The following LRP1B variants were observed in gnomAD, a reference collection of about 807,000 sequenced individuals.
LRP1B encodes low-density lipoprotein receptor-related protein 1B.
Under a neutral mutation model 556.6 loss-of-function variants are expected in LRP1B, and 217 were observed. That is an observed-to-expected ratio of 0.39 (90% CI 0.35 to 0.44). LRP1B has a LOEUF of 0.44. Among genes scored for constraint, LRP1B ranks in the 20% least tolerant of loss-of-function variants. The pLI is 1.00. For synonymous variants in LRP1B, 2,047 were observed against 1,865.8 expected (o/e 1.10, Z -2.50); for missense variants, 5,053 against 5,620.8 (o/e 0.90, Z 3.23).
intron 3 of LRP1B, among the ~76,000 whole-genome samples, chr2:141,371,313 C>T (rs1018674569): frequency 5.3e-5 from 8 of 152,152 alleles, no homozygotes; most frequent in African/African-American, 1.9e-4. Flanking sequence ...CAATGTAATG[C>T]TTCTAGCTTT....
chr2:141,265,062 T>A (rs924538041), intron 3 of LRP1B, among the ~76,000 whole-genome samples: 2 of 152,040 alleles, frequency 1.3e-5, no homozygotes, highest in African/African-American at 4.8e-5. Flanking sequence ...ACCGAGCCCT[T>A]CCCGGAGATG....
chr2:141,154,055 C>T (rs1262639995), intron 7 of LRP1B, among the ~76,000 whole-genome samples: 1 of 151,714 alleles, frequency 6.6e-6, no homozygotes, highest in African/African-American at 2.4e-5. Context: ...GAGAGGTCTG[C>T]TATGTTAGAT....
chr2:140,483,638 A>ATTTT (rs1378417792), intron 59 of LRP1B, among the ~76,000 whole-genome samples: 1 of 74,074 alleles, frequency 1.3e-5, no homozygotes, highest in African/African-American at 5.3e-5. Flanking sequence ...ATATATATAT[A>ATTTT]TATTTTTTTT....
intron 1 of LRP1B, among the ~76,000 whole-genome samples, chr2:141,837,323 C>A (rs1221305853): frequency 6.6e-6 from 1 of 151,878 alleles, no homozygotes; most frequent in African/African-American, 2.4e-5. Context: ...GATGCTTTTT[C>A]TTTTCTGAAT....
Position 140,238,160 on chromosome 2 carries a change from G to A in LRP1B, c.13552C>T (p.Pro4518Ser), listed in dbSNP as rs1281046561. The change falls in exon 89 of 91, where the codon CCA becomes TCA. Residue 4518 changes from proline (P) to serine (S), a missense_variant. Physicochemically the swap from Pro to Ser is moderately conservative, Grantham distance 74. Around this residue, in one of 5 missense-constraint regions of LRP1B, gnomAD observed 551 missense variants for 592.0 expected, o/e 0.93. Coordinates refer to ENST00000389484, the MANE Select transcript of LRP1B (RefSeq NM_018557.3). ...ATCTTAAGACATACTACCTTTGTTG[G>A]GTCTATCATAAAGCCAGGATCTAAA... ...GLLDPGFMID[P>S]TKARYIGGGP... 4 of 1,600,002 alleles carry A rather than the reference G, an allele frequency of 2.5e-6. No homozygotes were observed. The highest frequency in any genetic ancestry group is 3.4e-6 in the Non-Finnish European group (4 of 1,171,956).
intron 2 of LRP1B, among the ~76,000 whole-genome samples, chr2:141,747,842 T>C (rs1010260593): frequency 6.6e-6 from 1 of 152,206 alleles, no homozygotes; most frequent in Non-Finnish European, 1.5e-5. Flanking sequence ...GTTGTTCTTC[T>C]TGCATTATCT....
intron 1 of LRP1B, among the ~76,000 whole-genome samples, chr2:141,993,629 AC>A (rs1445128109): frequency 1.3e-5 from 2 of 152,134 alleles, no homozygotes; most frequent in African/African-American, 4.8e-5. Flanking sequence ...TCCTTTTCTA[AC>A]CATTGATTCA....
chr2:141,745,519 G>A (rs991396189), intron 2 of LRP1B, among the ~76,000 whole-genome samples: 4 of 151,896 alleles, frequency 2.6e-5, no homozygotes, highest in Non-Finnish European at 5.9e-5. Context: ...TCAGGCCCAG[G>A]GCCTCTTTAG....
chr2:141,034,816 A>G (rs1245381361), intron 11 of LRP1B, among the ~76,000 whole-genome samples: 2 of 149,518 alleles, frequency 1.3e-5, no homozygotes, highest in African/African-American at 2.5e-5. Flanking sequence ...TCAGGGATCT[A>G]GAAGTAGAAA....
At chr2:140,431,708 CGTTTA>C (rs1294630639) in intron 66 of LRP1B, among the ~76,000 whole-genome samples, 2 of 152,098 alleles carry the variant, frequency 1.3e-5, no homozygotes, top group African/African-American at 2.4e-5. Context: ...TCTCTTATTC[CGTTTA>C]GTTTTTCAAT....
At chr2:141,176,622 T>C (rs1018326971) in intron 7 of LRP1B, among the ~76,000 whole-genome samples, 1 of 152,174 alleles carries the variant, frequency 6.6e-6, no homozygotes, top group Middle Eastern at 3.4e-3. Flanking sequence ...GATAGTTCTT[T>C]ATAGTAGTGT....
chr2:140,910,998 G>A (rs1330451811), intron 21 of LRP1B, among the ~76,000 whole-genome samples: 3 of 151,892 alleles, frequency 2.0e-5, no homozygotes, highest in African/African-American at 7.2e-5. Flanking sequence ...GTATATATTA[G>A]GGAAAGGAAA....
At chr2:140,548,636 T>G (rs1467651808) in intron 43 of LRP1B, among the ~76,000 whole-genome samples, 1 of 152,056 alleles carries the variant, frequency 6.6e-6, no homozygotes, top group Non-Finnish European at 1.5e-5. Flanking sequence ...TATCAAAATA[T>G]AAATTGTCAG....
intron 7 of LRP1B, among the ~76,000 whole-genome samples, chr2:141,146,491 C>A (rs1439714442): frequency 6.6e-6 from 1 of 152,098 alleles, no homozygotes; most frequent in Non-Finnish European, 1.5e-5. Context: ...TTTCAGTTCT[C>A]CACAAAAATG....
chr2:142,129,425 T>A (rs1707767825), intron 1 of LRP1B, among the ~76,000 whole-genome samples: 1 of 152,244 alleles, frequency 6.6e-6, no homozygotes, highest in Non-Finnish European at 1.5e-5. Context: ...AACAGCAGGT[T>A]GAATAGAAAC....
At chr2:140,896,085 C>T (rs1693945276) in intron 23 of LRP1B, among the ~76,000 whole-genome samples, 1 of 152,036 alleles carries the variant, frequency 6.6e-6, no homozygotes, top group African/African-American at 2.4e-5. Context: ...CCCAGTATTT[C>T]CCTGCCTCCT....
intron 2 of LRP1B, among the ~76,000 whole-genome samples, chr2:141,761,869 A>G (rs1162706367): frequency 6.6e-6 from 1 of 152,138 alleles, no homozygotes; most frequent in East Asian, 1.9e-4. Flanking sequence ...TAGTATTGCT[A>G]TGTTTTCCTT....
intron 24 of LRP1B, among the ~76,000 whole-genome samples, chr2:140,885,606 C>T (rs1183066571): frequency 6.6e-6 from 1 of 151,980 alleles, no homozygotes; most frequent in Non-Finnish European, 1.5e-5. Context: ...CTGCCTCGGC[C>T]TCCCAATGTG....
At chr2:141,507,830 C>T (rs896319942) in intron 2 of LRP1B, among the ~76,000 whole-genome samples, 18 of 151,856 alleles carry the variant, frequency 1.2e-4, no homozygotes, top group African/African-American at 3.6e-4. Context: ...TCACATCTGT[C>T]ATCCCAGCGC....
Sources: allele counts gnomAD v4.1 joint callset (sites outside exome capture counted in the v4.1 genomes callset), GRCh38; gene constraint gnomAD v4.1.1; regional missense constraint gnomAD v4.1.1; transcripts MANE v1.5; gene names NCBI Gene and HGNC (gene_info 2026-07-23, HGNC 2026-07-21).